The following RETREG3 variants were observed in gnomAD, a reference collection of about 807,000 sequenced individuals.
RETREG3 encodes reticulophagy regulator 3.
In RETREG3, 23 loss-of-function variants were observed where a neutral mutation model predicts 50.2. The ratio of observed to expected loss-of-function variants is 0.46; its 90% CI spans 0.33 to 0.65. The LOEUF is 0.65. RETREG3 is among the 30% of genes least tolerant of loss of function. The pLI, the probability that RETREG3 is intolerant of heterozygous loss-of-function variation, is 0.02. For synonymous variants in RETREG3, 240 were observed against 234.4 expected, an observed-to-expected ratio of 1.02 and a Z score of -0.22; for missense variants, 546 against 598.0, an observed-to-expected ratio of 0.91 and a Z score of 0.91.
At chr17:42,597,497 TTGTGTGTG>T (rs71157646) in intron 1 of RETREG3, among the ~76,000 whole-genome samples, 2 of 116,778 alleles carry the variant, frequency 1.7e-5, no homozygotes, top group Admixed American at 9.9e-5. Flanking sequence ...AGAATCTATT[TTGTGTGTG>T]TGTGTGTGTG....
intron 8 of RETREG3, 101 bp from the exon 9 acceptor site, chr17:42,582,371 G>T: frequency 8.5e-7 from 1 of 1,172,702 alleles, no homozygotes; most frequent in Non-Finnish European, 1.2e-6. Context: ...TTCTCAGGGC[G>T]AAATAAACCC....
At chr17:42,588,471 G>A (rs773050628) in intron 2 of RETREG3, among the ~76,000 whole-genome samples, 4 of 151,284 alleles carry the variant, frequency 2.6e-5, no homozygotes, top group African/African-American at 7.3e-5. Context: ...GTGCAGTGGC[G>A]TGATCTCAGC....
intron 3 of RETREG3, 67 bp downstream of exon 3, chr17:42,587,767 A>G (rs2093124089): frequency 3.8e-6 from 6 of 1,575,270 alleles, no homozygotes; most frequent in South Asian, 1.1e-5. Flanking sequence ...GGTTAACAAC[A>G]TGTAACCAGA....
rs2093109022 is a variant in RETREG3, at chr17:42,581,696, C to T, written c.*117G>A. Reference sequence around the variant, plus strand: ...GCCTCTGAGCATCAGCCAGGCCACCCAGCATACAAATATAATTCAGGGGAG... The same window carrying T: ...GCCTCTGAGCATCAGCCAGGCCACCTAGCATACAAATATAATTCAGGGGAG... On this transcript the variant is annotated 3_prime_UTR_variant, in exon 9 of 9. Transcript: ENST00000309428. The T allele has an allele frequency of 1.0e-6, 1 of 970,938 alleles. No homozygotes were observed. The highest frequency in any genetic ancestry group is 1.5e-6 in the Non-Finnish European group (1 of 677,858). 60.1% of individuals were successfully genotyped at this position (970,938 alleles called of 1,614,324 possible). A position where few individuals can be genotyped will look rare whatever the true frequency, so the allele number is the denominator to read the frequency against.
At chr17:42,582,589 G>A in intron 8 of RETREG3, 85 bp downstream of exon 8, 1 of 1,563,780 alleles carries the variant, frequency 6.4e-7, no homozygotes, top group Non-Finnish European at 8.7e-7. Flanking sequence ...CAGGAGAGGG[G>A]CAAGCACCAG....
At chr17:42,584,831 A>C (rs531974399) in intron 6 of RETREG3, among the ~76,000 whole-genome samples, 23 of 151,854 alleles carry the variant, frequency 1.5e-4, no homozygotes, top group Admixed American at 3.3e-4. Context: ...AAAAAAAAAA[A>C]AAAAAACAAA....
At chr17:42,597,595 A>T (rs1295693413) in intron 1 of RETREG3, among the ~76,000 whole-genome samples, 43,159 of 63,332 alleles carry the variant, frequency 0.68, 12,208 homozygotes, top group South Asian at 0.76. Flanking sequence ...ATATATATAT[A>T]TATATATATA....
chr17:42,604,134 C>CT (rs371543977), intron 1 of RETREG3, among the ~76,000 whole-genome samples: 1 of 151,980 alleles, frequency 6.6e-6, no homozygotes, highest in Non-Finnish European at 1.5e-5. Context: ...TCCTTAATCA[C>CT]TTTTTTGGGT....
At chr17:42,607,724 T>C (rs1353660813) in intron 1 of RETREG3, among the ~76,000 whole-genome samples, 2 of 151,256 alleles carry the variant, frequency 1.3e-5, no homozygotes, top group African/African-American at 2.4e-5. Flanking sequence ...GAGAAATGCT[T>C]GAATCTGGGA....
chr17:42,609,392 T>TGC (rs1185374481), upstream of RETREG3: 9 of 1,484,690 alleles, frequency 6.1e-6, no homozygotes, highest in African/African-American at 1.4e-5. Flanking sequence ...ACTGCGCAGA[T>TGC]GCGCGATTCG....
At chr17:42,585,069 C>A in intron 6 of RETREG3, 56 bp downstream of exon 6, 2 of 1,597,040 alleles carry the variant, frequency 1.3e-6, no homozygotes, top group Non-Finnish European at 1.7e-6. Context: ...GACCTATGGG[C>A]TTCTCCTTTT....
Position 42,585,256 on chromosome 17 carries a change from G to A in RETREG3, c.596C>T (p.Thr199Ile), listed in dbSNP as rs1289357626. 6.2e-7 allele frequency: 1 copy of A among 1,613,138 alleles called. No homozygotes were observed. The change falls in exon 6 of 9, where the codon ACT (threonine) becomes ATT (isoleucine). Residue 199 changes from threonine to isoleucine, a missense_variant. Coordinates refer to ENST00000309428, the MANE Select transcript of RETREG3 (RefSeq NM_178126.4). ...CACAGCAAGGGGCCACATCATGACA[G>A]TGACAACTGTGAGGAGGCATGGGAA... ...GLLLSYLMLV[T>I]VMMWPLAVYH...
chr17:42,597,836 G>T lies in RETREG3; in HGVS notation c.240-5674C>A, dbSNP rs1321797632. Among the ~76,000 whole-genome samples, 7 of 150,014 alleles carry T rather than the reference G, an allele frequency of 4.7e-5. No individual in the cohort carries two copies. The Admixed American group carries it at 4.7e-4, about 10-fold the overall frequency. ...GTAGAGACGGAGTTTCGTCTTGTTGGCCAGGCTGGTCTCGAATCCCTGATC... is the reference window on the plus strand; with the variant it reads ...GTAGAGACGGAGTTTCGTCTTGTTGTCCAGGCTGGTCTCGAATCCCTGATC... On this transcript the variant is annotated intron_variant, in intron 1 of 8. Transcript: ENST00000309428.
In RETREG3 at chr17:42,586,897, G is replaced by A. The variant is rs150766247; in HGVS notation, c.378-6C>T. 118 of 1,613,324 alleles carry A rather than the reference G, an allele frequency of 7.3e-5. 1 individual carries two copies. In the African/African-American group the frequency reaches 1.5e-3, roughly 20 times the overall value. ...GAGGGTGCACAAAGCCCCAGCTATG[G>A]GAGAGAGAAGGGGGAGCTGTGAAAG... On this transcript the variant is annotated splice_polypyrimidine_tract_variant and splice_region_variant and intron_variant, in intron 3 of 8. Coordinates refer to ENST00000309428, the MANE Select transcript of RETREG3 (RefSeq NM_178126.4).
chr17:42,604,087 C>T (rs1597743617), intron 1 of RETREG3, among the ~76,000 whole-genome samples: 1 of 151,824 alleles, frequency 6.6e-6, no homozygotes, highest in African/African-American at 2.4e-5. Flanking sequence ...TTATTTTTTA[C>T]TCAAATCCTA....
chr17:42,605,711 G>A (rs1000637859), intron 1 of RETREG3, among the ~76,000 whole-genome samples: 3 of 152,014 alleles, frequency 2.0e-5, no homozygotes, highest in Non-Finnish European at 2.9e-5. Flanking sequence ...TCACATTGTC[G>A]GCCAGGGACA....
chr17:42,601,819 G>C (rs1043604159), intron 1 of RETREG3, among the ~76,000 whole-genome samples: 2 of 151,256 alleles, frequency 1.3e-5, no homozygotes, highest in Non-Finnish European at 2.9e-5. Flanking sequence ...TTTTAGTAGA[G>C]ATGGGGTTTC....
intron 1 of RETREG3, among the ~76,000 whole-genome samples, chr17:42,597,641 T>C (rs1404866090): frequency 1.5e-4 from 8 of 54,594 alleles, no homozygotes; most frequent in African/African-American, 4.7e-4. Context: ...TTTTTTTTTT[T>C]TTTTTTGAGA....
At position 42,592,180 on chromosome 17, in the gene RETREG3, C is replaced by T; in HGVS notation, c.240-18G>A. On this transcript the variant is annotated intron_variant, in intron 1 of 8. Transcript: ENST00000309428. ...CAAAAAACCTACAGAGGAAGAAAAA[C>T]AGAAGAAAGATCATTTACCTAGTTA... 1 of 1,601,410 alleles carries T rather than the reference C, an allele frequency of 6.2e-7. No homozygotes were observed. Among genetic ancestry groups the T allele is most frequent in the South Asian group, 1.1e-5 (1 of 90,590 alleles).
Sources: gnomAD v4.1 joint callset for allele counts (sites outside exome capture counted in the v4.1 genomes callset) on GRCh38, gnomAD v4.1.1 for gene constraint, MANE v1.5 for transcripts, NCBI Gene and HGNC (gene_info 2026-07-23, HGNC 2026-07-21) for gene names.